Variants in PLEKHM2 observed in about 807,000 individuals in gnomAD.
PLEKHM2 encodes pleckstrin homology and RUN domain containing M2, also known as pleckstrin homology domain-containing family M member 2.
A neutral mutation model predicts 116.3 loss-of-function variants in PLEKHM2; 77 were observed. That is an observed-to-expected ratio of 0.66 (90% CI 0.55 to 0.80). The LOEUF (loss-of-function observed/expected upper bound fraction) is 0.80. Ranked by LOEUF, PLEKHM2 falls within the 30% of genes least tolerant of loss-of-function variation. PLEKHM2 has a pLI of 0.00. For missense variants in PLEKHM2, 1,183 were observed against 1,354.9 expected, an observed-to-expected ratio of 0.87 and a Z score of 1.99; for synonymous variants, 562 against 571.0, an observed-to-expected ratio of 0.98 and a Z score of 0.22.
intron 1 of PLEKHM2, among the ~76,000 whole-genome samples, chr1:15,713,729 G>C (rs1036697822): frequency 1.3e-5 from 2 of 151,602 alleles, no homozygotes; most frequent in African/African-American, 4.9e-5. Context: ...TCCGCCTCCC[G>C]GGTTCCTGCC....
chr1:15,727,181 C>T lies in PLEKHM2; in HGVS notation c.1109C>T (p.Ala370Val). ...LGRDSPDTML[A>V]SPQEEGEGPS... The stretch of plus-strand genomic sequence containing the variant: ...CGGGACTCGCCAGACACTATGCTTG[C>T]CTCCCCCCAGGAGGAGGGAGAGGGG... The change falls in exon 9 of 20, where the codon GCC (alanine) becomes GTC (valine). Residue 370 changes from alanine to valine, a missense_variant. Ala to Val is a moderately conservative substitution (Grantham distance 64). Transcript: ENST00000375799. This position sits in a 1 kb window ranked among gnomAD's most constrained non-coding sequence, Gnocchi z 7.5. The T allele has an allele frequency of 6.2e-7, 1 of 1,604,190 alleles. No homozygotes were observed. The highest frequency in any genetic ancestry group is 8.5e-7 in the Non-Finnish European group (1 of 1,175,308).
chr1:15,710,751 C>A lies in PLEKHM2; in HGVS notation c.61-5486C>A, dbSNP rs554786446. Among the ~76,000 whole-genome samples, 14 of 152,330 alleles carry A rather than the reference C, an allele frequency of 9.2e-5. No individual in the cohort carries two copies. The East Asian group carries it at 2.7e-3, about 29-fold the overall frequency. On this transcript the variant is annotated intron_variant, in intron 1 of 19. Coordinates refer to ENST00000375799, the MANE Select transcript of PLEKHM2 (RefSeq NM_015164.4). ...AGCACAGGAATATATAATAGGCCAA[C>A]AAGAAGTAGTTTTAAAAGGGGCATA...
intron 1 of PLEKHM2, among the ~76,000 whole-genome samples, chr1:15,700,274 C>T (rs1275433955): frequency 6.6e-6 from 1 of 152,138 alleles, no homozygotes; most frequent in Non-Finnish European, 1.5e-5. Context: ...GGGTCTCGCT[C>T]TGTCACCCAG....
intron 1 of PLEKHM2, among the ~76,000 whole-genome samples, chr1:15,713,624 TTGTTTGTTTG>T (rs1641378804): frequency 6.9e-6 from 1 of 145,954 alleles, no homozygotes; most frequent in African/African-American, 2.7e-5. Context: ...TGTTTTTTGT[TTGTTTGTTTG>T]TTTTTTGTTT....
chr1:15,728,283 C>A lies in PLEKHM2; in HGVS notation c.1847C>A (p.Thr616Asn). 6.2e-7 allele frequency: 1 copy of A among 1,613,314 alleles called. No individual in the cohort carries two copies. Among genetic ancestry groups the A allele is most frequent in the African/African-American group, 1.3e-5 (1 of 75,044 alleles). Reference protein sequence around the residue: ...EQLFKMIRMSTGHMEGNLQLL... With the variant: ...EQLFKMIRMSNGHMEGNLQLL... ...GGCCCCCAGATGATCCGGATGAGCA[C>A]CGGGCACATGGAGGGCAACCTGCAG... The change falls in exon 11 of 20, where the codon ACC (threonine) becomes AAC (asparagine). Residue 616 changes from threonine to asparagine, a missense_variant. By Grantham distance (65) the Thr-to-Asn change is moderately conservative. Transcript: ENST00000375799. This position sits in a 1 kb window ranked among gnomAD's most constrained non-coding sequence, Gnocchi z 5.9.
At chr1:15,731,783 CGGT>C in intron 16 of PLEKHM2, 103 bp from the exon 17 acceptor site, 1 of 946,622 alleles carries the variant, frequency 1.1e-6, no homozygotes, top group South Asian at 1.7e-5. Flanking sequence ...GCCCCCAAGA[CGGT>C]GGGGCAGACC....
intron 1 of PLEKHM2, among the ~76,000 whole-genome samples, chr1:15,707,435 T>C (rs1480717302): frequency 6.6e-6 from 1 of 152,038 alleles, no homozygotes; most frequent in Non-Finnish European, 1.5e-5. Flanking sequence ...AAAACACTGC[T>C]CCACTTGCCG....
intron 17 of PLEKHM2, 91 bp downstream of exon 17, chr1:15,732,139 A>G: frequency 7.8e-7 from 1 of 1,290,280 alleles, no homozygotes; most frequent in Non-Finnish European, 1.1e-6. Flanking sequence ...TCACAGAGCA[A>G]CCTGAGGGCC....
At chr1:15,710,981 C>T (rs1430994697) in intron 1 of PLEKHM2, among the ~76,000 whole-genome samples, 2 of 152,038 alleles carry the variant, frequency 1.3e-5, no homozygotes, top group South Asian at 4.1e-4. Context: ...TTGAGACCAG[C>T]CTGGCCAACA....
Position 15,729,199 on chromosome 1 carries a change from C to T in PLEKHM2, c.2075+9C>T, listed in dbSNP as rs1222344119. ...GATGTGGCGCTGGCTGAGTGAGTGG[C>T]AACCCCGCCCCTCTGGAAGGATTGG... is the stretch of plus-strand genomic sequence containing the variant. On this transcript the variant is annotated intron_variant, in intron 13 of 19. Transcript: ENST00000375799. The surrounding 1 kb of genome is among the most constrained non-coding windows in gnomAD (Gnocchi z 4.7). 1.9e-6 allele frequency: 3 copies of T among 1,599,780 alleles called. No homozygotes were observed. The highest frequency in any genetic ancestry group is 2.6e-6 in the Non-Finnish European group (3 of 1,172,568).
rs138607014 is a variant in PLEKHM2 at position 15,726,249 on chromosome 1, A to G, written c.941+704A>G. On this transcript the variant is annotated intron_variant, in intron 8 of 19. Coordinates refer to ENST00000375799, the MANE Select transcript of PLEKHM2 (RefSeq NM_015164.4). ...TCATTGAAAGAAAAGTATCTTTGTC[A>G]TATGGGCAGGACATGGAAAGGAAGG... is the stretch of plus-strand genomic sequence containing the variant. Among the ~76,000 whole-genome samples the G allele has an allele frequency of 2.6e-5, 4 of 152,344 alleles. No homozygotes were observed. The South Asian group carries it at 6.2e-4, about 24-fold the overall frequency.
chr1:15,710,121 G>A (rs1043176145), intron 1 of PLEKHM2, among the ~76,000 whole-genome samples: 1 of 150,972 alleles, frequency 6.6e-6, no homozygotes, highest in Non-Finnish European at 1.5e-5. Context: ...CAGCTACTCG[G>A]GAGGCTGAGG....
intron 2 of PLEKHM2, 75 bp downstream of exon 2, chr1:15,716,418 G>T (rs1026948800): frequency 2.2e-6 from 2 of 896,636 alleles, no homozygotes; most frequent in Non-Finnish European, 1.7e-6. Context: ...GAAACCCTTA[G>T]CCTCTCTGCC....
Position 15,728,983 on chromosome 1 carries a change from TTGG to T in PLEKHM2, c.1987-112_1987-110del. The T allele has an allele frequency of 1.0e-6, 1 of 954,058 alleles. No individual in the cohort carries two copies. The highest frequency in any genetic ancestry group is 1.6e-6 in the Non-Finnish European group (1 of 615,846). 59.1% of individuals were successfully genotyped at this position (954,058 alleles called of 1,614,324 possible). A position where few individuals can be genotyped will look rare whatever the true frequency, so the allele number is the denominator to read the frequency against. ...CAGCCCCTGGCCTCTGGGGCTTTAC[TTGG>T]TGGTGGCCCGGGGTGTGCTTCTTCC... On this transcript the variant is annotated intron_variant, in intron 12 of 19. Transcript: ENST00000375799. The surrounding 1 kb of genome is among the most constrained non-coding windows in gnomAD (Gnocchi z 5.9).
intron 1 of PLEKHM2, 74 bp from the exon 2 acceptor site, chr1:15,716,163 C>G (rs1158889475): frequency 1.1e-6 from 1 of 952,100 alleles, no homozygotes; most frequent in Non-Finnish European, 1.6e-6. Context: ...TTTTAGCTAC[C>G]TTCTTGATTC....
chr1:15,712,500 A>G (rs940209575), intron 1 of PLEKHM2, among the ~76,000 whole-genome samples: 3 of 152,224 alleles, frequency 2.0e-5, no homozygotes, highest in Admixed American at 6.5e-5. Flanking sequence ...GGTCACTGCA[A>G]TATTATGTGC....
At chr1:15,725,848 G>A (rs2068057631) in intron 8 of PLEKHM2, 3 of 425,552 alleles carry the variant, frequency 7.0e-6, no homozygotes, top group Non-Finnish European at 1.3e-5. Context: ...CTCTGATGAG[G>A]GATTCACAGA....
chr1:15,709,086 A>C (rs1641278725), intron 1 of PLEKHM2, among the ~76,000 whole-genome samples: 1 of 152,096 alleles, frequency 6.6e-6, no homozygotes, highest in Admixed American at 6.6e-5. Context: ...CAGCATTCAA[A>C]CCAAGTTGTC....
Position 15,734,079 on chromosome 1 carries a change from A to G in PLEKHM2, c.*145A>G. The G allele has an allele frequency of 1.1e-6, 1 of 887,680 alleles. No homozygotes were observed. The highest frequency in any genetic ancestry group is 1.7e-6 in the Non-Finnish European group (1 of 603,470). The allele number at this position is 887,680 out of a possible 1,614,324, so 55.0% of individuals were successfully genotyped here. On this transcript the variant is annotated 3_prime_UTR_variant, in exon 20 of 20. Coordinates refer to ENST00000375799, the MANE Select transcript of PLEKHM2 (RefSeq NM_015164.4). ...AGAACCACCGAGTGTGGCTTAAGAC[A>G]GGGTCCCTCCACTCCAGGGATCCAG...
Sources: allele counts gnomAD v4.1 joint callset (sites outside exome capture counted in the v4.1 genomes callset), GRCh38; gene constraint gnomAD v4.1.1; non-coding constraint Gnocchi (gnomAD v3.1); transcripts MANE v1.5; gene names NCBI Gene and HGNC (gene_info 2026-07-23, HGNC 2026-07-21).